Variants in PHF10 observed in about 807,000 individuals in gnomAD.
PHF10 encodes the protein BRG1-associated factor 45a.
PHF10 carries 51 observed loss-of-function variants against 68.5 expected under a neutral mutation model. That is an observed-to-expected ratio of 0.74 (90% confidence interval 0.59 to 0.94). The LOEUF (loss-of-function observed/expected upper bound fraction) is 0.94, where lower values mean the gene tolerates loss of function less well. Among genes scored for constraint, PHF10 ranks in the 40% least tolerant of loss-of-function variants. The pLI is 0.00. For synonymous variants in PHF10, 204 were observed against 203.5 expected, an observed-to-expected ratio of 1.00 and a Z score of -0.02; for missense variants, 460 against 602.6, an observed-to-expected ratio of 0.76 and a Z score of 2.48.
At chr6:169,713,012 AAAT>A (rs1321734906) in intron 7 of PHF10, among the ~76,000 whole-genome samples, 2 of 152,214 alleles carry the variant, frequency 1.3e-5, no homozygotes, top group Non-Finnish European at 2.9e-5. Flanking sequence ...ATATTACTTA[AAAT>A]AATAACATAG....
At chr6:169,722,439 A>G (rs1011020734) in intron 1 of PHF10, among the ~76,000 whole-genome samples, 1 of 152,204 alleles carries the variant, frequency 6.6e-6, no homozygotes, top group East Asian at 1.9e-4. Flanking sequence ...AAGGATTTTT[A>G]TATCCTTAAA....
intron 1 of PHF10, among the ~76,000 whole-genome samples, chr6:169,722,711 C>T (rs145261180): frequency 8.0e-4 from 122 of 152,306 alleles, no homozygotes; most frequent in Middle Eastern, 3.4e-3. Context: ...AACCGCAATA[C>T]TGATACAGAG....
chr6:169,723,983 GGCCGCCGCCGCCGCTGCC>G lies in PHF10; in HGVS notation c.-70_-53del, dbSNP rs1411717248. ...GCCGCCGTCGCCTCCGCCTTGTCCC[GGCCGCCGCCGCCGCTGCC>G]GCCGCCGCCGCCGCCGCCGCCGCGC... On this transcript the variant is annotated 5_prime_UTR_variant, in exon 1 of 12. Coordinates refer to ENST00000339209, the MANE Select transcript of PHF10 (RefSeq NM_018288.4). 3.9e-3 allele frequency: 1,988 copies of G among 507,290 alleles called. 4 individuals are homozygous for G. The highest frequency in any genetic ancestry group is 5.9e-3 in the Admixed American group (87 of 14,658). 31.4% of individuals were successfully genotyped at this position (507,290 alleles called of 1,614,324 possible). A position where few individuals can be genotyped will look rare whatever the true frequency, so the allele number is the denominator to read the frequency against.
chr6:169,723,586 C>A (rs1053525532), intron 1 of PHF10, among the ~76,000 whole-genome samples: 1 of 152,172 alleles, frequency 6.6e-6, no homozygotes, highest in Non-Finnish European at 1.5e-5. Context: ...GTTTTGGGGA[C>A]AAGCTTGTCA....
chr6:169,710,107 G>A lies in PHF10; in HGVS notation c.1113+129C>T, dbSNP rs948776651. 6.9e-5 allele frequency: 42 copies of A among 608,030 alleles called. No homozygotes were observed. The South Asian group carries it at 1.4e-3, about 20-fold the overall frequency. 37.7% of individuals were successfully genotyped at this position (608,030 alleles called of 1,614,324 possible). A position where few individuals can be genotyped will look rare whatever the true frequency, so the allele number is the denominator to read the frequency against. The stretch of plus-strand genomic sequence containing the variant: ...GCAAAAAAGAAAGCAGCGGACAAAG[G>A]GCACACCATAGAAGAACAGCTAGTG... On this transcript the variant is annotated intron_variant, in intron 9 of 11. Coordinates refer to ENST00000339209, the MANE Select transcript of PHF10 (RefSeq NM_018288.4).
intron 7 of PHF10, among the ~76,000 whole-genome samples, chr6:169,714,186 G>A (rs1453367653): frequency 6.6e-6 from 1 of 152,118 alleles, no homozygotes; most frequent in Non-Finnish European, 1.5e-5. Flanking sequence ...TAGGAGATAA[G>A]TAACATTTAG....
chr6:169,718,554 C>CA (rs1477456886), intron 3 of PHF10, among the ~76,000 whole-genome samples: 1 of 152,030 alleles, frequency 6.6e-6, no homozygotes, highest in African/African-American at 2.4e-5. Context: ...CCTGTAGTCC[C>CA]AGATACTTAG....
At chr6:169,715,575 AAAACAAAC>A (rs559081855) in intron 6 of PHF10, 125 bp downstream of exon 6, 1 of 849,614 alleles carries the variant, frequency 1.2e-6, no homozygotes, top group Non-Finnish European at 1.9e-6. Context: ...AAAACAAAAC[AAAACAAAC>A]AAACAAACAA....
At chr6:169,705,932 A>T (rs1221949334) in intron 9 of PHF10, among the ~76,000 whole-genome samples, 1 of 152,240 alleles carries the variant, frequency 6.6e-6, no homozygotes, top group African/African-American at 2.4e-5. Context: ...TTTGGTAAAC[A>T]GCATGATCTC....
chr6:169,704,837 A>G (rs1177229177), intron 11 of PHF10: 1 of 264,820 alleles, frequency 3.8e-6, no homozygotes, highest in African/African-American at 2.2e-5. Flanking sequence ...AATAGATAAC[A>G]TATAAAAATA....
intron 8 of PHF10, among the ~76,000 whole-genome samples, chr6:169,711,105 T>C (rs1471878291): frequency 6.6e-6 from 1 of 152,176 alleles, no homozygotes; most frequent in African/African-American, 2.4e-5. Context: ...GAAACATGAA[T>C]GTATCTACTT....
chr6:169,712,598 T>A, intron 7 of PHF10, 59 bp from the exon 8 acceptor site: 2 of 1,438,964 alleles, frequency 1.4e-6, no homozygotes, highest in Middle Eastern at 3.7e-4. Flanking sequence ...AACAGACTCA[T>A]CTTTGACCTA....
In PHF10 at chr6:169,723,894, G is replaced by A. The variant is rs1789251679; in HGVS notation, c.38C>T (p.Pro13Leu). 1.8e-6 allele frequency: 2 copies of A among 1,083,498 alleles called. No individual in the cohort carries two copies. Among genetic ancestry groups the A allele is most frequent in the African/African-American group, 1.7e-5 (1 of 59,464 alleles). 67.1% of individuals were successfully genotyped at this position (1,083,498 alleles called of 1,614,324 possible). A position where few individuals can be genotyped will look rare whatever the true frequency, so the allele number is the denominator to read the frequency against. ...AAAGPGAALS[P>L]RPCDSDPATP... ...GGCTGGGTCGCTGTCGCACGGCCGCGGGGACAGCGCAGCCCCGGGCCCGGC... is the reference window on the plus strand; with the variant it reads ...GGCTGGGTCGCTGTCGCACGGCCGCAGGGACAGCGCAGCCCCGGGCCCGGC... Residue 13 changes from proline to leucine, a missense_variant, in exon 1 of 12, where the codon CCG becomes CTG. Pro to Leu is a moderately conservative substitution (Grantham distance 98). This residue lies in a region of PHF10 where 93 missense variants were observed against 82.4 expected (regional missense o/e 1.13). Transcript: ENST00000339209.
chr6:169,722,795 T>C (rs1468309904), intron 1 of PHF10, among the ~76,000 whole-genome samples: 1 of 152,180 alleles, frequency 6.6e-6, no homozygotes, highest in African/African-American at 2.4e-5. Flanking sequence ...GGTTTCCAAC[T>C]ACAGATCAGA....
chr6:169,716,221 T>C, intron 4 of PHF10, 133 bp from the exon 5 acceptor site: 1 of 486,568 alleles, frequency 2.1e-6, no homozygotes, highest in Non-Finnish European at 3.6e-6. Flanking sequence ...CAAAATATCT[T>C]AGTACATTTG....
chr6:169,723,909 C>T lies in PHF10; in HGVS notation c.23G>A (p.Gly8Glu), dbSNP rs1204933275. Residue 8 changes from glycine (G) to glutamate (E), a missense_variant, in exon 1 of 12, where the codon GGG becomes GAG. Gly to Glu is a moderately conservative substitution (Grantham distance 98). Coordinates refer to ENST00000339209, the MANE Select transcript of PHF10 (RefSeq NM_018288.4). MAAAAGP[G>E]AALSPRPCDS... ...GCACGGCCGCGGGGACAGCGCAGCC[C>T]CGGGCCCGGCCGCCGCCGCCATCAG... The T allele has an allele frequency of 2.2e-5, 23 of 1,050,914 alleles. No individual in the cohort carries two copies. Among genetic ancestry groups the T allele is most frequent in the Non-Finnish European group, 2.6e-5 (23 of 869,138 alleles). The allele number at this position is 1,050,914 out of a possible 1,614,324, so 65.1% of individuals were successfully genotyped here.
rs111689722 is a variant in PHF10 at position 169,710,673 on chromosome 6, C to T, written c.958-282G>A. On this transcript the variant is annotated intron_variant, in intron 8 of 11. Coordinates refer to ENST00000339209, the MANE Select transcript of PHF10 (RefSeq NM_018288.4). ...CATAAGTCACAAAAACACAATTATC[C>T]GCTTCAGCTACTATTACGGCACACA... Among the ~76,000 whole-genome samples the T allele has an allele frequency of 4.5e-3, 690 of 152,152 alleles. 3 individuals are homozygous for T. Among genetic ancestry groups the T allele is most frequent in the African/African-American group, 0.016 (647 of 41,518 alleles).
rs761885772 is a variant in PHF10, at chr6:169,723,873, G to C, written c.59C>G (p.Pro20Arg). The C allele has an allele frequency of 1.8e-6, 2 of 1,100,380 alleles. No individual in the cohort carries two copies. Among genetic ancestry groups the C allele is most frequent in the Admixed American group, 5.1e-5 (1 of 19,678 alleles). 68.2% of individuals were successfully genotyped at this position (1,100,380 alleles called of 1,614,324 possible). A position where few individuals can be genotyped will look rare whatever the true frequency, so the allele number is the denominator to read the frequency against. ...ALSPRPCDSD[P>R]ATPGAQSPKD... is the part of the protein sequence containing the mutation. ...CGGGGACTGCGCTCCGGGGGTGGCT[G>C]GGTCGCTGTCGCACGGCCGCGGGGA... The change falls in exon 1 of 12, where the codon CCA becomes CGA. Residue 20 changes from proline to arginine, a missense_variant. Coordinates refer to ENST00000339209, the MANE Select transcript of PHF10 (RefSeq NM_018288.4).
At position 169,716,119 on chromosome 6, in the gene PHF10, G is replaced by A. The variant is rs1464202350; in HGVS notation, c.410-31C>T. The A allele has an allele frequency of 4.7e-6, 7 of 1,480,758 alleles. No individual in the cohort carries two copies. In the South Asian group the frequency reaches 8.1e-5, roughly 17 times the overall value. The allele number at this position is 1,480,758 out of a possible 1,614,324, so 91.7% of individuals were successfully genotyped here. A position where few individuals can be genotyped will look rare whatever the true frequency, so the allele number is the denominator to read the frequency against. On this transcript the variant is annotated intron_variant, in intron 4 of 11. Coordinates refer to ENST00000339209, the MANE Select transcript of PHF10 (RefSeq NM_018288.4). ...TTAGACCAAAAAATAAAAAAATAAA[G>A]AAGCTCTTTTAAGGATAAGTGAACA...
Sources: allele counts gnomAD v4.1 joint callset (sites outside exome capture counted in the v4.1 genomes callset), GRCh38; gene constraint gnomAD v4.1.1; regional missense constraint gnomAD v4.1.1; transcripts MANE v1.5; gene names NCBI Gene and HGNC (gene_info 2026-07-23, HGNC 2026-07-21).